Variants in CUX1 observed in about 807,000 individuals in gnomAD.
CUX1 encodes the protein protein CASP.
CUX1 carries 31 observed loss-of-function variants against 158.8 expected under a neutral mutation model. That is an observed-to-expected ratio of 0.20 (90% CI 0.15 to 0.26). The LOEUF is 0.26. Ranked by LOEUF, CUX1 falls within the 10% of genes least tolerant of loss-of-function variation. The pLI is 1.00. For missense variants in CUX1, 1,589 were observed against 2,014.6 expected, an observed-to-expected ratio of 0.79 and a Z score of 4.04; for synonymous variants, 879 against 862.1, an observed-to-expected ratio of 1.02 and a Z score of -0.34.
chr7:101,932,772 A>G (rs1480496638), intron 2 of CUX1: 2 of 374,720 alleles, frequency 5.3e-6, no homozygotes, highest in East Asian at 7.4e-5. Flanking sequence ...TTCACTTAAC[A>G]GTGAATTGAG....
downstream of CUX1, among the ~76,000 whole-genome samples, chr7:102,260,831 G>A (rs1264172619): frequency 5.9e-5 from 9 of 152,212 alleles, no homozygotes; most frequent in Non-Finnish European, 1.3e-4. Flanking sequence ...ATGGTCCTGT[G>A]TGCTTCTGTT....
chr7:101,940,147 G>A (rs1380143284), intron 2 of CUX1, among the ~76,000 whole-genome samples: 1 of 151,184 alleles, frequency 6.6e-6, no homozygotes, highest in East Asian at 1.9e-4. Context: ...GGCTGAGGCA[G>A]GAGGATTGCT....
chr7:102,005,155 G>T (rs1165235557), intron 2 of CUX1, among the ~76,000 whole-genome samples: 1 of 152,114 alleles, frequency 6.6e-6, no homozygotes, highest in South Asian at 2.1e-4. Flanking sequence ...GGAGTCGGGG[G>T]TTTTGCTGTG....
At chr7:101,987,922 G>T (rs902521085) in intron 2 of CUX1, among the ~76,000 whole-genome samples, 3 of 152,320 alleles carry the variant, frequency 2.0e-5, no homozygotes, top group East Asian at 1.9e-4. Context: ...TGTAAGAAGC[G>T]TTTTTTCAGG....
chr7:102,238,123 T>C (rs1285137703), intron 22 of CUX1, among the ~76,000 whole-genome samples: 1 of 152,132 alleles, frequency 6.6e-6, no homozygotes, highest in Non-Finnish European at 1.5e-5. Flanking sequence ...TCCAGATAAC[T>C]GCGGGCAAGC....
rs191508837 is a variant in CUX1 at position 102,114,345 on chromosome 7, G to A, written c.608-862G>A. 7.4e-4 allele frequency among the ~76,000 whole-genome samples: 113 copies of A among 152,086 alleles called. No individual in the cohort carries two copies. In the South Asian group the frequency reaches 0.015, roughly 20 times the overall value. ...GCCTGGAGTGCAGTGGCATGATCTC[G>A]GCTCACTGCAACCTGCATCTCCAGG... On this transcript the variant is annotated intron_variant, in intron 7 of 23. Transcript: ENST00000292535.
chr7:102,207,105 G>A (rs1290343470), intron 20 of CUX1, among the ~76,000 whole-genome samples: 1 of 152,096 alleles, frequency 6.6e-6, no homozygotes, highest in African/African-American at 2.4e-5. Flanking sequence ...AACACACTAG[G>A]CTCCTAAGAG....
chr7:101,894,910 T>G (rs1488015599), intron 1 of CUX1, among the ~76,000 whole-genome samples: 3 of 152,106 alleles, frequency 2.0e-5, no homozygotes, highest in Admixed American at 1.3e-4. Context: ...AGTTCTTCCC[T>G]AGGTATGATT....
At chr7:101,975,844 A>G (rs1332738292) in intron 2 of CUX1, among the ~76,000 whole-genome samples, 3 of 152,114 alleles carry the variant, frequency 2.0e-5, no homozygotes, top group Non-Finnish European at 4.4e-5. Flanking sequence ...CTCACTTTTA[A>G]AGAGCATGAA....
intron 2 of CUX1, among the ~76,000 whole-genome samples, chr7:102,005,808 T>G (rs923680666): frequency 2.0e-5 from 3 of 152,186 alleles, no homozygotes; most frequent in Admixed American, 1.3e-4. Context: ...TCTGGGAACC[T>G]GCTTCTGGAG....
chr7:102,189,655 G>A (rs1794065245), intron 11 of CUX1, among the ~76,000 whole-genome samples, 158 bp from the exon 12 acceptor site: 2 of 152,234 alleles, frequency 1.3e-5, no homozygotes, highest in Non-Finnish European at 2.9e-5. Context: ...GGCCAGGAGC[G>A]TGAGGGACAA....
Position 101,913,303 on chromosome 7 carries a change from A to AC in CUX1, c.31-2807dup, listed in dbSNP as rs1443541338. The AC allele has an allele frequency of 6.9e-6, 8 of 1,164,656 alleles. No homozygotes were observed. In the African/African-American group the frequency reaches 9.7e-5, roughly 14 times the overall value. The allele number at this position is 1,164,656 out of a possible 1,614,324, so 72.1% of individuals were successfully genotyped here. ...TGGCGGCTCGGTGTTAAATTTGGAGACCCCCGTGGGTTTCCCATGCCGACC... is the reference window on the plus strand; with the variant it reads ...TGGCGGCTCGGTGTTAAATTTGGAGACCCCCCGTGGGTTTCCCATGCCGACC... On this transcript the variant is annotated intron_variant, in intron 1 of 23. Coordinates refer to ENST00000292535, the MANE Select transcript of CUX1 (RefSeq NM_181552.4).
chr7:101,907,407 G>A (rs541886781), intron 1 of CUX1, among the ~76,000 whole-genome samples: 2 of 152,134 alleles, frequency 1.3e-5, no homozygotes, highest in East Asian at 3.9e-4. Context: ...GGAGTGCAAT[G>A]GCACAATCTC....
intron 14 of CUX1, among the ~76,000 whole-genome samples, chr7:102,269,412 C>CTT (rs201452988): frequency 8.3e-5 from 12 of 144,872 alleles, no homozygotes; most frequent in Non-Finnish European, 1.7e-4. Flanking sequence ...ACCCCAAAGT[C>CTT]TTTTTTTTTT....
chr7:102,177,547 T>C (rs1051687720), intron 10 of CUX1, among the ~76,000 whole-genome samples: 1 of 152,086 alleles, frequency 6.6e-6, no homozygotes, highest in African/African-American at 2.4e-5. Flanking sequence ...GTGGAAAATC[T>C]CGGTGGTTTG....
chr7:101,962,882 G>A (rs576766314), intron 2 of CUX1, among the ~76,000 whole-genome samples: 7 of 151,984 alleles, frequency 4.6e-5, no homozygotes, highest in Non-Finnish European at 7.4e-5. Flanking sequence ...CACTGCACCA[G>A]GCCAATTTTT....
intron 2 of CUX1, among the ~76,000 whole-genome samples, chr7:101,917,850 G>A (rs1254073628): frequency 2.0e-5 from 3 of 152,130 alleles, no homozygotes; most frequent in Non-Finnish European, 4.4e-5. Flanking sequence ...AATCTTAGAG[G>A]TTTGGCTGGG....
intron 1 of CUX1, among the ~76,000 whole-genome samples, chr7:101,896,964 A>G (rs548347214): frequency 5.9e-5 from 9 of 152,204 alleles, no homozygotes; most frequent in Non-Finnish European, 1.2e-4. Context: ...AGTAAGATAC[A>G]AGCCTGGCTC....
In CUX1 at chr7:102,009,458, G is replaced by A. The variant is rs528341502; in HGVS notation, c.142-18640G>A. Among the ~76,000 whole-genome samples, 434 of 152,306 alleles carry A rather than the reference G, an allele frequency of 2.8e-3. 2 individuals carry two copies. The highest frequency in any genetic ancestry group is 4.0e-3 in the Admixed American group (61 of 15,302). ...AAGAAATTGCTCAGTCCAGACCAGG[G>A]AACCCAGTTTCTCTTTTAGAGGTGG... is the stretch of plus-strand genomic sequence containing the variant. On this transcript the variant is annotated intron_variant, in intron 2 of 23. Coordinates refer to ENST00000292535, the MANE Select transcript of CUX1 (RefSeq NM_181552.4).
Sources: gnomAD v4.1 joint callset for allele counts (sites outside exome capture counted in the v4.1 genomes callset) on GRCh38, gnomAD v4.1.1 for gene constraint, MANE v1.5 for transcripts, NCBI Gene and HGNC (gene_info 2026-07-23, HGNC 2026-07-21) for gene names.